Variants in ACAT1 observed in about 807,000 individuals in gnomAD.
The protein encoded by ACAT1 is acetyl-CoA acetyltransferase, mitochondrial.
A neutral mutation model predicts 47.3 loss-of-function variants in ACAT1; 28 were observed. That is an observed-to-expected ratio of 0.59 (90% CI 0.44 to 0.81). The LOEUF (loss-of-function observed/expected upper bound fraction) is 0.81. ACAT1 is among the 30% of genes least tolerant of loss of function. The pLI, the probability that ACAT1 is intolerant of heterozygous loss-of-function variation, is 0.00. For missense variants in ACAT1, 469 were observed against 524.3 expected (o/e 0.89, Z 1.03); for synonymous variants, 181 against 173.6 (o/e 1.04, Z -0.34).
At position 108,147,568 on chromosome 11, in the gene ACAT1, TTTC is replaced by T. The variant is rs372218361; in HGVS notation, c.*186_*188del. On this transcript the variant is annotated 3_prime_UTR_variant, in exon 12 of 12. Coordinates refer to ENST00000265838, the MANE Select transcript of ACAT1 (RefSeq NM_000019.4). ...AAAACATTTTGAAATTAAAAATAAA[TTTC>T]TTCTTCTGCTTTTTTCTTGGTAACC... is the stretch of plus-strand genomic sequence containing the variant. 6.0e-4 allele frequency: 513 copies of T among 852,288 alleles called. 7 individuals are homozygous for T. The East Asian group carries it at 0.014, about 23-fold the overall frequency. 52.8% of individuals were successfully genotyped at this position (852,288 alleles called of 1,614,324 possible).
chr11:108,139,068 G>T, intron 6 of ACAT1, 27 bp downstream of exon 6: 1 of 1,612,984 alleles, frequency 6.2e-7, no homozygotes, highest in Non-Finnish European at 8.5e-7. Context: ...GTGGATAAAT[G>T]CTATCTAATG....
chr11:108,122,572 G>A (rs1251270388), intron 1 of ACAT1, among the ~76,000 whole-genome samples: 1 of 152,224 alleles, frequency 6.6e-6, no homozygotes, highest in Non-Finnish European at 1.5e-5. Context: ...ACGTCTGGGC[G>A]TAGAATAACA....
chr11:108,144,854 A>C (rs1390746230), intron 10 of ACAT1, among the ~76,000 whole-genome samples: 1 of 152,196 alleles, frequency 6.6e-6, no homozygotes, highest in Admixed American at 6.5e-5. Context: ...TCACGTTGGA[A>C]AGCAAGGGTA....
At chr11:108,142,910 C>A in intron 9 of ACAT1, 1 of 250,054 alleles carries the variant, frequency 4.0e-6, no homozygotes, top group South Asian at 5.2e-5. Context: ...ATAGCCAACT[C>A]CAATATTAAG....
chr11:108,129,182 C>A (rs1487906084), intron 1 of ACAT1: 1 of 152,160 alleles, frequency 6.6e-6, no homozygotes, highest in East Asian at 1.9e-4. Flanking sequence ...ATAATAGTCT[C>A]CAATTCCATC....
At chr11:108,124,370 T>A (rs1385144741) in intron 1 of ACAT1, among the ~76,000 whole-genome samples, 1 of 152,144 alleles carries the variant, frequency 6.6e-6, no homozygotes, top group Non-Finnish European at 1.5e-5. Flanking sequence ...TTCAAGCAGT[T>A]CTCCTGCCTC....
intron 1 of ACAT1, among the ~76,000 whole-genome samples, chr11:108,124,421 A>G (rs1435501608): frequency 6.6e-6 from 1 of 151,854 alleles, no homozygotes; most frequent in East Asian, 1.9e-4. Flanking sequence ...GTGCCACCAC[A>G]CCCGCTACTT....
intron 10 of ACAT1, 147 bp downstream of exon 10, chr11:108,144,194 A>G: frequency 1.2e-6 from 1 of 869,258 alleles, no homozygotes; most frequent in Non-Finnish European, 1.9e-6. Flanking sequence ...TCCTGAAAAG[A>G]GTAAGAGCAA....
At chr11:108,118,040 A>AT (rs568807737), upstream of ACAT1, among the ~76,000 whole-genome samples, 53 of 152,346 alleles carry the variant, frequency 3.5e-4, 1 homozygote, top group South Asian at 9.9e-3. Flanking sequence ...CTCTTCATTA[A>AT]TACATCTGTC....
chr11:108,139,901 T>C (rs373511160), intron 6 of ACAT1, 164 bp from the exon 7 acceptor site: 2 of 732,772 alleles, frequency 2.7e-6, no homozygotes, highest in Non-Finnish European at 4.3e-6. Flanking sequence ...TCTGCCTGCC[T>C]TGGCCCCCCA....
At position 108,121,577 on chromosome 11, in the gene ACAT1, T is replaced by C. The variant is rs1025587572; in HGVS notation, c.-30T>C. 7 of 1,548,726 alleles carry C rather than the reference T, an allele frequency of 4.5e-6. No homozygotes were observed. In the African/African-American group the frequency reaches 8.2e-5, roughly 18 times the overall value. On this transcript the variant is annotated 5_prime_UTR_variant, in exon 1 of 12. Transcript: ENST00000265838. The stretch of plus-strand genomic sequence containing the variant: ...GGGGAGGAGGCCGCTAGTCTACGCC[T>C]GTGGAGCCGATACTCAGCCCTCTGC...
At chr11:108,131,274 G>C (rs1159643469) in intron 1 of ACAT1, among the ~76,000 whole-genome samples, 3 of 148,750 alleles carry the variant, frequency 2.0e-5, no homozygotes. Flanking sequence ...TATCTTGTTA[G>C]ATTCTAAGAC....
chr11:108,121,890 C>T, intron 1 of ACAT1: 1 of 601,608 alleles, frequency 1.7e-6, no homozygotes. Context: ...TTTCTACTTC[C>T]AAGGTCTCGG....
intron 8 of ACAT1, 59 bp from the exon 9 acceptor site, chr11:108,142,378 G>C: frequency 1.5e-6 from 2 of 1,333,842 alleles, no homozygotes; most frequent in African/African-American, 1.4e-5. Flanking sequence ...TTGTTGAATT[G>C]AACCAAATAC....
intron 4 of ACAT1, 86 bp from the exon 5 acceptor site, chr11:108,135,055 TG>T: frequency 2.3e-6 from 2 of 854,528 alleles, no homozygotes; most frequent in Non-Finnish European, 2.0e-6. Context: ...GCAGAAGAAA[TG>T]TTGTAGTTTA....
intron 4 of ACAT1, 45 bp downstream of exon 4, chr11:108,134,361 G>C (rs2077420946): frequency 2.7e-6 from 4 of 1,506,438 alleles, no homozygotes; most frequent in South Asian, 2.2e-5. Context: ...ATGTGTAAAA[G>C]GGGCCGGGTG....
At chr11:108,133,041 CG>C (rs1257143684) in intron 2 of ACAT1, among the ~76,000 whole-genome samples, 3 of 151,144 alleles carry the variant, frequency 2.0e-5, no homozygotes, top group Non-Finnish European at 4.4e-5. Context: ...AAAAATTAGC[CG>C]GGTGTGGTTG....
At chr11:108,135,038 T>C in intron 4 of ACAT1, 104 bp from the exon 5 acceptor site, 1 of 759,608 alleles carries the variant, frequency 1.3e-6, no homozygotes, top group South Asian at 1.5e-5. Context: ...AATTTGTAGT[T>C]ATATTGGCAG....
At chr11:108,138,811 A>T in intron 5 of ACAT1, 87 bp from the exon 6 acceptor site, 1 of 1,431,804 alleles carries the variant, frequency 7.0e-7, no homozygotes, top group Non-Finnish European at 9.9e-7. Flanking sequence ...CATGTAGAAT[A>T]CTTGTTTGGT....
Sources: allele counts gnomAD v4.1 joint callset (sites outside exome capture counted in the v4.1 genomes callset), GRCh38; gene constraint gnomAD v4.1.1; transcripts MANE v1.5; gene names NCBI Gene and HGNC (gene_info 2026-07-23, HGNC 2026-07-21).